Variants in RIC8B observed in about 807,000 individuals in gnomAD.
RIC8B encodes the protein chaperone Ric-8B.
RIC8B carries 16 observed loss-of-function variants against 57.5 expected under a neutral mutation model. The ratio of observed to expected loss-of-function variants is 0.28; its 90% confidence interval spans 0.19 to 0.42. RIC8B has a LOEUF of 0.42. RIC8B is among the 10% of genes least tolerant of loss of function. The pLI, the probability that RIC8B is intolerant of heterozygous loss-of-function variation, is 1.00. For missense variants in RIC8B, 481 were observed against 677.0 expected (o/e 0.71, Z 3.21); for synonymous variants, 216 against 250.8 (o/e 0.86, Z 1.31).
intron 2 of RIC8B, among the ~76,000 whole-genome samples, chr12:106,814,188 T>C (rs940658664): frequency 1.3e-5 from 2 of 152,180 alleles, no homozygotes; most frequent in Non-Finnish European, 2.9e-5. Flanking sequence ...TGCAATTGGC[T>C]CAAGGCATAA....
intron 7 of RIC8B, among the ~76,000 whole-genome samples, chr12:106,855,435 A>C (rs200775939): frequency 3.5e-4 from 4 of 11,370 alleles, no homozygotes; most frequent in Non-Finnish European, 5.2e-4. Flanking sequence ...ATCTTGAAAA[A>C]CTAGTCCTCA....
chr12:106,871,342 T>G (rs912278234), intron 9 of RIC8B: 1 of 152,864 alleles, frequency 6.5e-6, no homozygotes, highest in African/African-American at 2.4e-5. Flanking sequence ...AAGTTTGCAA[T>G]TACGCCTTTT....
intron 7 of RIC8B, 108 bp downstream of exon 7, chr12:106,851,702 A>G (rs1949483913): frequency 2.1e-6 from 2 of 969,026 alleles, no homozygotes; most frequent in East Asian, 2.6e-5. Context: ...TCCAAAGCTT[A>G]CTGTCTGTTC....
At chr12:106,858,478 A>G (rs1949796981) in intron 7 of RIC8B, among the ~76,000 whole-genome samples, 1 of 152,126 alleles carries the variant, frequency 6.6e-6, no homozygotes, top group Non-Finnish European at 1.5e-5. Context: ...AAGAATACCT[A>G]TATACACTGA....
intron 9 of RIC8B, among the ~76,000 whole-genome samples, chr12:106,881,322 C>T (rs1054041027): frequency 2.0e-5 from 3 of 151,684 alleles, no homozygotes; most frequent in Admixed American, 6.6e-5. Flanking sequence ...TCTTTTATAC[C>T]GCATCTCTTT....
chr12:106,831,517 A>T (rs917365611), intron 4 of RIC8B, among the ~76,000 whole-genome samples: 1 of 152,110 alleles, frequency 6.6e-6, no homozygotes, highest in African/African-American at 2.4e-5. Flanking sequence ...GTTTTTACTT[A>T]GTTTTTATTA....
chr12:106,825,917 A>T, intron 4 of RIC8B, 97 bp downstream of exon 4: 2 of 778,818 alleles, frequency 2.6e-6, no homozygotes, highest in South Asian at 3.0e-5. Flanking sequence ...CAAGAAAGTG[A>T]AAATACTACA....
At chr12:106,834,723 C>T (rs2046507348) in intron 4 of RIC8B, among the ~76,000 whole-genome samples, 2 of 151,910 alleles carry the variant, frequency 1.3e-5, no homozygotes, top group Admixed American at 1.3e-4. Context: ...GTGGCTCACG[C>T]CTGTAATCCC....
chr12:106,832,527 A>G (rs1406264184), intron 4 of RIC8B, among the ~76,000 whole-genome samples: 2 of 151,562 alleles, frequency 1.3e-5, no homozygotes, highest in East Asian at 3.9e-4. Flanking sequence ...AGATGGGGCC[A>G]CTGCACTCCA....
chr12:106,871,015 T>C, intron 9 of RIC8B, 73 bp downstream of exon 9: 1 of 1,437,468 alleles, frequency 7.0e-7, no homozygotes, highest in Non-Finnish European at 9.4e-7. Context: ...CACTGAGAGT[T>C]ACCATAGAAC....
At chr12:106,876,437 T>A in intron 9 of RIC8B, among the ~76,000 whole-genome samples, 1 of 152,180 alleles carries the variant, frequency 6.6e-6, no homozygotes, top group East Asian at 1.9e-4. Flanking sequence ...GTGGCTTACA[T>A]TATATTTTTA....
intron 2 of RIC8B, among the ~76,000 whole-genome samples, chr12:106,804,971 A>G (rs1449028404): frequency 6.6e-6 from 1 of 152,198 alleles, no homozygotes; most frequent in East Asian, 1.9e-4. Context: ...ACATGAGAAA[A>G]GGCACAGAAG....
At chr12:106,820,367 A>G (rs1417600925) in intron 3 of RIC8B, among the ~76,000 whole-genome samples, 1 of 152,330 alleles carries the variant, frequency 6.6e-6, no homozygotes, top group East Asian at 1.9e-4. Flanking sequence ...CCACATGTGG[A>G]ATCAGCCTCT....
intron 8 of RIC8B, 31 bp downstream of exon 8, chr12:106,860,443 A>C: frequency 6.9e-7 from 1 of 1,459,596 alleles, no homozygotes; most frequent in Non-Finnish European, 9.1e-7. Context: ...TCACCTAACT[A>C]TGGCTGTGCC....
At chr12:106,787,385 T>G (rs1224332181) in intron 2 of RIC8B, among the ~76,000 whole-genome samples, 1 of 152,236 alleles carries the variant, frequency 6.6e-6, no homozygotes, top group Non-Finnish European at 1.5e-5. Flanking sequence ...GATCTATACC[T>G]TAATAAGCTT....
chr12:106,833,331 G>A (rs890089023), intron 4 of RIC8B, among the ~76,000 whole-genome samples: 12 of 152,258 alleles, frequency 7.9e-5, no homozygotes, highest in African/African-American at 2.9e-4. Flanking sequence ...GCTGGGCGTG[G>A]TGGCTCACGC....
At chr12:106,785,739 A>T (rs2136172108) in intron 2 of RIC8B, among the ~76,000 whole-genome samples, 1 of 149,342 alleles carries the variant, frequency 6.7e-6, no homozygotes, top group South Asian at 2.1e-4. Flanking sequence ...CCTCTTATCT[A>T]CCGAGTGAGA....
chr12:106,828,921 G>T (rs1036359644), intron 4 of RIC8B, among the ~76,000 whole-genome samples: 2 of 151,954 alleles, frequency 1.3e-5, no homozygotes. Flanking sequence ...TATGATATAT[G>T]CATGTTAGGA....
chr12:106,838,184 A>G (rs2046705301), intron 4 of RIC8B, among the ~76,000 whole-genome samples: 1 of 152,220 alleles, frequency 6.6e-6, no homozygotes, highest in Non-Finnish European at 1.5e-5. Flanking sequence ...AAACTCATGC[A>G]TATATAGTTA....
Sources: allele counts gnomAD v4.1 joint callset (sites outside exome capture counted in the v4.1 genomes callset), GRCh38; gene constraint gnomAD v4.1.1; transcripts MANE v1.5; gene names NCBI Gene and HGNC (gene_info 2026-07-23, HGNC 2026-07-21).